The following CSNK1G1 variants were observed in gnomAD, a reference collection of about 807,000 sequenced individuals.
The protein encoded by CSNK1G1 is casein kinase I isoform gamma-1.
Under a neutral mutation model 59.6 loss-of-function variants are expected in CSNK1G1, and 22 were observed. The observed-to-expected ratio is 0.37, with a 90% confidence interval of 0.26 to 0.53. The LOEUF (loss-of-function observed/expected upper bound fraction) is 0.53, where lower values mean the gene tolerates loss of function less well. Among genes scored for constraint, CSNK1G1 ranks in the 20% least tolerant of loss-of-function variants. The pLI, the probability that CSNK1G1 is intolerant of heterozygous loss-of-function variation, is 0.89. For missense variants in CSNK1G1, 384 were observed against 519.5 expected, an observed-to-expected ratio of 0.74 and a Z score of 2.54; for synonymous variants, 179 against 177.1, an observed-to-expected ratio of 1.01 and a Z score of -0.08.
At position 64,277,897 on chromosome 15, in the gene CSNK1G1, GATATTGATATATTTAATAATA is replaced by G. The variant is rs1420381241; in HGVS notation, c.182-18677_182-18657del. Among the ~76,000 whole-genome samples the G allele has an allele frequency of 1.6e-4, 20 of 128,820 alleles. No individual in the cohort carries two copies. In the South Asian group the frequency reaches 2.6e-3, roughly 17 times the overall value. 84.5% of individuals were successfully genotyped at this position (128,820 alleles called of 152,430 possible). ...ATAATATTGATATATTTAATATATT[GATATTGATATATTTAATAATA>G]ATATTGATATATTTAATAATATATT... On this transcript the variant is annotated intron_variant, in intron 2 of 11. Coordinates refer to ENST00000303052, the MANE Select transcript of CSNK1G1 (RefSeq NM_022048.5).
chr15:64,203,735 A>T (rs1364399532), intron 9 of CSNK1G1, among the ~76,000 whole-genome samples: 1 of 149,486 alleles, frequency 6.7e-6, no homozygotes, highest in Non-Finnish European at 1.5e-5. Context: ...CTCCACTGAT[A>T]TCTGTTTGGC....
intron 4 of CSNK1G1, among the ~76,000 whole-genome samples, chr15:64,231,050 G>C (rs1246942614): frequency 3.3e-5 from 5 of 151,722 alleles, no homozygotes; most frequent in African/African-American, 1.2e-4. Context: ...ATTAAGCCTG[G>C]GCATGGTGGC....
At chr15:64,264,260 A>C (rs139459316) in intron 2 of CSNK1G1, among the ~76,000 whole-genome samples, 1 of 152,212 alleles carries the variant, frequency 6.6e-6, no homozygotes, top group Non-Finnish European at 1.5e-5. Flanking sequence ...ATGAGAACAA[A>C]TGTTTAAAAA....
At chr15:64,191,085 G>A (rs1276502086) in intron 10 of CSNK1G1, among the ~76,000 whole-genome samples, 1 of 152,016 alleles carries the variant, frequency 6.6e-6, no homozygotes, top group Admixed American at 6.6e-5. Context: ...TTTTTGAGAT[G>A]GAGTCTTGCT....
chr15:64,322,736 A>G (rs1896627953), intron 1 of CSNK1G1, among the ~76,000 whole-genome samples: 1 of 152,106 alleles, frequency 6.6e-6, no homozygotes, highest in Non-Finnish European at 1.5e-5. Flanking sequence ...AGGAGGCTGA[A>G]GTGGGATGAT....
intron 4 of CSNK1G1, among the ~76,000 whole-genome samples, chr15:64,238,701 T>C (rs1034462207): frequency 6.6e-6 from 1 of 151,544 alleles, no homozygotes; most frequent in Non-Finnish European, 1.5e-5. Context: ...ATTACAGCTA[T>C]GGCGTGTATT....
Position 64,204,454 on chromosome 15 carries a change from A to G in CSNK1G1, c.986T>C (p.Val329Ala), listed in dbSNP as rs777666184. The change falls in exon 9 of 12, where the codon GTT becomes GCT. Residue 329 changes from valine (V) to alanine (A), a missense_variant. Val to Ala is a moderately conservative substitution (Grantham distance 64). Around this residue, in one of 3 missense-constraint regions of CSNK1G1, gnomAD observed 325 missense variants for 440.9 expected, o/e 0.74. Coordinates refer to ENST00000303052, the MANE Select transcript of CSNK1G1 (RefSeq NM_022048.5). ...AAGGATACTTACAATAGGTCTCCCA[A>G]CCCAATCATAGGCATAGTCAAAGGT... ...GYTFDYAYDWVGRPIPTPVGS... is the reference protein window; with the variant it reads ...GYTFDYAYDWAGRPIPTPVGS... 1.3e-6 allele frequency: 2 copies of G among 1,592,812 alleles called. No individual in the cohort carries two copies. The highest frequency in any genetic ancestry group is 2.7e-5 in the African/African-American group (2 of 73,404).
At chr15:64,309,482 A>C (rs1469425123) in intron 1 of CSNK1G1, among the ~76,000 whole-genome samples, 1 of 152,092 alleles carries the variant, frequency 6.6e-6, no homozygotes, top group Non-Finnish European at 1.5e-5. Context: ...CAAAAGTACC[A>C]TGACTATAGT....
At chr15:64,291,011 G>A (rs911980884) in intron 2 of CSNK1G1, among the ~76,000 whole-genome samples, 2 of 152,140 alleles carry the variant, frequency 1.3e-5, no homozygotes, top group Non-Finnish European at 2.9e-5. Flanking sequence ...ACCATGCCCA[G>A]CCAAGACTCC....
Position 64,204,909 on chromosome 15 carries a change from G to A in CSNK1G1, c.806C>T (p.Thr269Ile), listed in dbSNP as rs1227855700. 1 of 1,611,866 alleles carries A rather than the reference G, an allele frequency of 6.2e-7. No homozygotes were observed. The highest frequency in any genetic ancestry group is 1.1e-5 in the South Asian group (1 of 91,004). The change falls in exon 8 of 12, where the codon ACC becomes ATC. Residue 269 changes from threonine (T) to isoleucine (I), a missense_variant. Physicochemically the swap from Thr to Ile is moderately conservative, Grantham distance 89. This residue lies in a region of CSNK1G1 where 325 missense variants were observed against 440.9 expected (regional missense o/e 0.74). Coordinates refer to ENST00000303052, the MANE Select transcript of CSNK1G1 (RefSeq NM_022048.5). ...AGCTTCAATGGGAGTATTCCTTTTGGTGTCACCAATTTTTTGATATCTCTC... is the reference window on the plus strand; with the variant it reads ...AGCTTCAATGGGAGTATTCCTTTTGATGTCACCAATTTTTTGATATCTCTC... ...LKERYQKIGDTKRNTPIEALC... is the reference protein window; with the variant it reads ...LKERYQKIGDIKRNTPIEALC...
chr15:64,342,280 T>G (rs150413337), intron 1 of CSNK1G1, among the ~76,000 whole-genome samples: 1 of 152,340 alleles, frequency 6.6e-6, no homozygotes, highest in African/African-American at 2.4e-5. Flanking sequence ...CCTCATTTGC[T>G]GATCTGTAAA....
chr15:64,352,653 C>G (rs1898379052), intron 1 of CSNK1G1, among the ~76,000 whole-genome samples: 1 of 150,884 alleles, frequency 6.6e-6, no homozygotes, highest in Admixed American at 6.6e-5. Context: ...CCATGTTGCT[C>G]AGGCTGGTCT....
At chr15:64,342,896 A>G (rs1294147893) in intron 1 of CSNK1G1, among the ~76,000 whole-genome samples, 2 of 152,062 alleles carry the variant, frequency 1.3e-5, no homozygotes, top group African/African-American at 2.4e-5. Context: ...AGAGTTTCCA[A>G]TTCAGTAGGT....
In CSNK1G1 at chr15:64,323,628, G is replaced by A. The variant is rs1359559625; in HGVS notation, c.-224-22905C>T. Among the ~76,000 whole-genome samples, 5 of 152,272 alleles carry A rather than the reference G, an allele frequency of 3.3e-5. No homozygotes were observed. The South Asian group carries it at 8.3e-4, about 25-fold the overall frequency. ...GATCCACCCGCCTCGGCCTCCCAAA[G>A]TGCTGGGATTACAGGTATGAACCAC... On this transcript the variant is annotated intron_variant, in intron 1 of 11. Transcript: ENST00000303052.
Position 64,200,406 on chromosome 15 carries a change from T to A in CSNK1G1, c.1107+2676A>T, listed in dbSNP as rs1216138312. 6.6e-6 allele frequency among the ~76,000 whole-genome samples: 1 copy of A among 152,134 alleles called. No individual in the cohort carries two copies. The highest frequency in any genetic ancestry group is 1.5e-5 in the Non-Finnish European group (1 of 67,990). On this transcript the variant is annotated intron_variant, in intron 10 of 11. Coordinates refer to ENST00000303052, the MANE Select transcript of CSNK1G1 (RefSeq NM_022048.5). The surrounding 1 kb of genome is among the most constrained non-coding windows in gnomAD (Gnocchi z 4.3). Reference sequence around the variant, plus strand: ...TGGTGCCCAGGCTGGGGTGTAATGGTACCATCTCGTCTCACTGCAACCTCC... The same window carrying A: ...TGGTGCCCAGGCTGGGGTGTAATGGAACCATCTCGTCTCACTGCAACCTCC...
At chr15:64,177,559 A>G (rs148439106) in intron 11 of CSNK1G1, among the ~76,000 whole-genome samples, 1 of 152,316 alleles carries the variant, frequency 6.6e-6, no homozygotes, top group Non-Finnish European at 1.5e-5. Flanking sequence ...TGCTTTCTAC[A>G]TCTTTTAGAA....
rs537004533 is a variant in CSNK1G1, at chr15:64,298,037, G to C, written c.181+2282C>G. 5.9e-5 allele frequency among the ~76,000 whole-genome samples: 9 copies of C among 152,308 alleles called. 1 individual carries two copies. The highest frequency in any genetic ancestry group is 1.9e-4 in the African/African-American group (8 of 41,570). ...AAGAGTAAAAGCACATGAAAAGAAA[G>C]ACAAGTTCTTCTGACTACAGGCAAG... On this transcript the variant is annotated intron_variant, in intron 2 of 11. Transcript: ENST00000303052.
rs1207638221 is a variant in CSNK1G1, at chr15:64,259,253, G to A, written c.182-12C>T. 8 of 1,580,848 alleles carry A rather than the reference G, an allele frequency of 5.1e-6. No individual in the cohort carries two copies. The highest frequency in any genetic ancestry group is 1.4e-5 in the African/African-American group (1 of 74,044). On this transcript the variant is annotated splice_polypyrimidine_tract_variant and intron_variant, in intron 2 of 11. Transcript: ENST00000303052. ...GTAGAGATTTTTACCTAAGAGGAAA[G>A]CAGAATGTATATGTTTTAGTGACAT...
intron 4 of CSNK1G1, among the ~76,000 whole-genome samples, chr15:64,238,155 T>C (rs1473123614): frequency 6.6e-6 from 1 of 152,094 alleles, no homozygotes; most frequent in Non-Finnish European, 1.5e-5. Flanking sequence ...TTCCAATCTT[T>C]GCCCCAGTTA....
Sources: gnomAD v4.1 joint callset for allele counts (sites outside exome capture counted in the v4.1 genomes callset) on GRCh38, gnomAD v4.1.1 for gene constraint, gnomAD v4.1.1 regional missense constraint, Gnocchi (gnomAD v3.1) non-coding constraint, MANE v1.5 for transcripts, NCBI Gene and HGNC (gene_info 2026-07-23, HGNC 2026-07-21) for gene names.